SLC9A9: variants seen among roughly 807,000 people sequenced by gnomAD.
SLC9A9 encodes the protein solute carrier family 9 member A9.
In SLC9A9, 62 loss-of-function variants were observed where a neutral mutation model predicts 77.8. The observed-to-expected ratio is 0.80, with a 90% CI of 0.65 to 0.98. The LOEUF (loss-of-function observed/expected upper bound fraction) is 0.98. Among genes scored for constraint, SLC9A9 ranks in the 50% least tolerant of loss-of-function variants. The probability of loss-of-function intolerance (pLI) is 0.00; values close to 1 mark genes in which losing one functional copy is unlikely to be tolerated. For synonymous variants in SLC9A9, 320 were observed against 283.5 expected (o/e 1.13, Z -1.29); for missense variants, 775 against 774.9 (o/e 1.00, Z 0.00).
At chr3:143,655,021 C>T (rs1458590830) in intron 5 of SLC9A9, among the ~76,000 whole-genome samples, 1 of 152,206 alleles carries the variant, frequency 6.6e-6, no homozygotes, top group Non-Finnish European at 1.5e-5. Flanking sequence ...TTTGCACATT[C>T]TTGTCTACCC....
intron 6 of SLC9A9, among the ~76,000 whole-genome samples, chr3:143,617,032 T>C (rs886751256): frequency 2.6e-5 from 4 of 152,176 alleles, no homozygotes; most frequent in African/African-American, 9.7e-5. Flanking sequence ...CTAACACAGC[T>C]GGGCTTTAGA....
At chr3:143,548,456 A>C (rs1471748661) in intron 9 of SLC9A9, among the ~76,000 whole-genome samples, 2 of 152,106 alleles carry the variant, frequency 1.3e-5, no homozygotes, top group Non-Finnish European at 2.9e-5. Context: ...GAGTATCCCT[A>C]GCACTGCTCA....
intron 2 of SLC9A9, among the ~76,000 whole-genome samples, chr3:143,823,394 T>G (rs2009219480): frequency 6.6e-6 from 1 of 152,172 alleles, no homozygotes; most frequent in Non-Finnish European, 1.5e-5. Flanking sequence ...ATGGGGACAT[T>G]CGGGGTGAAG....
intron 9 of SLC9A9, among the ~76,000 whole-genome samples, chr3:143,498,517 G>A (rs708485): frequency 0.38 from 57,169 of 151,220 alleles, 11,548 homozygotes; most frequent in Non-Finnish European, 0.44. Flanking sequence ...TCACACCACT[G>A]CACTCCAGCC....
rs140676169 is a variant in SLC9A9, at chr3:143,797,272, G to A, written c.379-369C>T. The stretch of plus-strand genomic sequence containing the variant: ...AAATATTTTTGGAAATTGGTTCTTC[G>A]CTTTCCCTATTTTGTCCCATTCCAA... On this transcript the variant is annotated intron_variant, in intron 2 of 15. Coordinates refer to ENST00000316549, the MANE Select transcript of SLC9A9 (RefSeq NM_173653.4). 9.7e-4 allele frequency among the ~76,000 whole-genome samples: 147 copies of A among 151,356 alleles called. 1 individual carries two copies. The highest frequency in any genetic ancestry group is 3.4e-3 in the African/African-American group (138 of 41,170).
chr3:143,500,032 T>C (rs2035900502), intron 9 of SLC9A9, among the ~76,000 whole-genome samples: 1 of 152,230 alleles, frequency 6.6e-6, no homozygotes, highest in African/African-American at 2.4e-5. Flanking sequence ...TTTACCAGGT[T>C]GTATTGTTAA....
intron 2 of SLC9A9, among the ~76,000 whole-genome samples, chr3:143,826,549 C>G (rs1285197788): frequency 3.9e-5 from 6 of 152,146 alleles, no homozygotes. Flanking sequence ...GCACACTATC[C>G]TTTTGCTTTT....
At chr3:143,291,608 G>A (rs2108417913) in intron 14 of SLC9A9, among the ~76,000 whole-genome samples, 1 of 152,296 alleles carries the variant, frequency 6.6e-6, no homozygotes, top group South Asian at 2.1e-4. Flanking sequence ...ATCAGGAAAG[G>A]ACAAACCCAA....
chr3:143,524,552 C>A (rs890033471), intron 9 of SLC9A9, among the ~76,000 whole-genome samples: 1 of 152,130 alleles, frequency 6.6e-6, no homozygotes, highest in Non-Finnish European at 1.5e-5. Context: ...TCAGCTTATG[C>A]ATATTTTTTT....
At chr3:143,636,431 C>T (rs1257210319) in intron 6 of SLC9A9, among the ~76,000 whole-genome samples, 2 of 152,082 alleles carry the variant, frequency 1.3e-5, no homozygotes, top group South Asian at 2.1e-4. Flanking sequence ...CATATCCGCT[C>T]ATCTATTAAG....
chr3:143,772,796 G>T (rs2007569285), intron 4 of SLC9A9, among the ~76,000 whole-genome samples: 1 of 152,184 alleles, frequency 6.6e-6, no homozygotes, highest in South Asian at 2.1e-4. Context: ...GTCCCACCTG[G>T]ATGATGCCAA....
chr3:143,355,121 A>G (rs1398357050), intron 14 of SLC9A9, among the ~76,000 whole-genome samples: 1 of 152,218 alleles, frequency 6.6e-6, no homozygotes, highest in Non-Finnish European at 1.5e-5. Flanking sequence ...AGCTCCATCC[A>G]TTTACTCAAA....
chr3:143,476,764 T>C (rs2035485020), intron 11 of SLC9A9, among the ~76,000 whole-genome samples: 1 of 152,220 alleles, frequency 6.6e-6, no homozygotes, highest in South Asian at 2.1e-4. Flanking sequence ...CTAGGGAATA[T>C]ATGGCACTGT....
Position 143,318,046 on chromosome 3 carries a change from C to T in SLC9A9, c.1604+45438G>A, listed in dbSNP as rs1028211146. On this transcript the variant is annotated intron_variant, in intron 14 of 15. Transcript: ENST00000316549. ...CCGGCCTCATTTTCTTCCTTCTCTCCCCATCCCAATCTGTTTGGAGGCCTT... is the reference window on the plus strand; with the variant it reads ...CCGGCCTCATTTTCTTCCTTCTCTCTCCATCCCAATCTGTTTGGAGGCCTT... 7.2e-5 allele frequency among the ~76,000 whole-genome samples: 11 copies of T among 152,144 alleles called. 1 individual carries two copies. The highest frequency in any genetic ancestry group is 1.0e-4 in the Non-Finnish European group (7 of 68,028).
At chr3:143,578,772 C>A (rs2037408057) in intron 6 of SLC9A9, 49 bp from the exon 7 acceptor site, 1 of 1,611,430 alleles carries the variant, frequency 6.2e-7, no homozygotes, top group Middle Eastern at 1.7e-4. Flanking sequence ...CATCTCATAG[C>A]CCAGATAGGA....
At chr3:143,724,198 T>C (rs940278015) in intron 4 of SLC9A9, among the ~76,000 whole-genome samples, 3 of 152,248 alleles carry the variant, frequency 2.0e-5, no homozygotes, top group Admixed American at 6.5e-5. Context: ...GTTCTCATGA[T>C]AGTGAGTGAG....
rs1035618120 is a variant in SLC9A9, at chr3:143,493,649, A to G, written c.1315+4T>C. The G allele has an allele frequency of 6.2e-7, 1 of 1,610,110 alleles. No homozygotes were observed. Among genetic ancestry groups the G allele is most frequent in the Non-Finnish European group, 8.5e-7 (1 of 1,176,320 alleles). Reference sequence around the variant, plus strand: ...AGCACTAACATATAACATAGTTCACATACCTGAAAACATCATCATGTGCTG... The same window carrying G: ...AGCACTAACATATAACATAGTTCACGTACCTGAAAACATCATCATGTGCTG... On this transcript the variant is annotated splice_donor_region_variant and intron_variant, in intron 11 of 15. Transcript: ENST00000316549.
chr3:143,632,793 G>C (rs1440320352), intron 6 of SLC9A9, among the ~76,000 whole-genome samples: 2 of 152,168 alleles, frequency 1.3e-5, no homozygotes, highest in Non-Finnish European at 2.9e-5. Context: ...ATATTTGTCT[G>C]ATTTGATAAT....
chr3:143,508,092 T>C (rs558386251), intron 9 of SLC9A9, among the ~76,000 whole-genome samples: 21 of 152,302 alleles, frequency 1.4e-4, no homozygotes, highest in Admixed American at 9.2e-4. Flanking sequence ...CTAATTATGT[T>C]TTTTTAAGGT....
Sources: gnomAD v4.1 joint callset for allele counts (sites outside exome capture counted in the v4.1 genomes callset) on GRCh38, gnomAD v4.1.1 for gene constraint, MANE v1.5 for transcripts, NCBI Gene and HGNC (gene_info 2026-07-23, HGNC 2026-07-21) for gene names.